ADGRL2: variants seen among roughly 807,000 people sequenced by gnomAD.
ADGRL2 encodes the protein adhesion G protein-coupled receptor L2.
ADGRL2 carries 44 observed loss-of-function variants against 157.4 expected under a neutral mutation model. The observed-to-expected ratio is 0.28, with a 90% CI of 0.22 to 0.36. The LOEUF (loss-of-function observed/expected upper bound fraction) is 0.36, where lower values mean the gene tolerates loss of function less well. Ranked by LOEUF, ADGRL2 falls within the 10% of genes least tolerant of loss-of-function variation. The probability of loss-of-function intolerance (pLI) is 1.00; values close to 1 mark genes in which losing one functional copy is unlikely to be tolerated. For missense variants in ADGRL2, 1,510 were observed against 1,768.9 expected, an observed-to-expected ratio of 0.85 and a Z score of 2.63; for synonymous variants, 585 against 624.7, an observed-to-expected ratio of 0.94 and a Z score of 0.95.
chr1:81,480,069 G>A (rs1191463205), intron 2 of ADGRL2, among the ~76,000 whole-genome samples: 1 of 152,138 alleles, frequency 6.6e-6, no homozygotes, highest in Non-Finnish European at 1.5e-5. Context: ...GAAGAGGGAG[G>A]TCTCAAGCCT....
intron 2 of ADGRL2, among the ~76,000 whole-genome samples, chr1:81,465,895 A>G (rs2078042488): frequency 6.6e-6 from 1 of 152,244 alleles, no homozygotes; most frequent in South Asian, 2.1e-4. Flanking sequence ...ATCTTTGGTC[A>G]CCTGAAATGT....
intron 3 of ADGRL2, among the ~76,000 whole-genome samples, chr1:81,920,119 A>G (rs1305590416): frequency 6.6e-6 from 1 of 152,140 alleles, no homozygotes; most frequent in Non-Finnish European, 1.5e-5. Context: ...AGAGTTTGAG[A>G]AGCAATGGTT....
chr1:81,969,108 T>G, intron 14 of ADGRL2, 70 bp from the exon 15 acceptor site: 1 of 1,112,462 alleles, frequency 9.0e-7, no homozygotes, highest in South Asian at 1.3e-5. Context: ...GCTGTACATG[T>G]GAAAGCTGTC....
chr1:81,944,664 A>G (rs1402222686), intron 6 of ADGRL2, among the ~76,000 whole-genome samples: 2 of 151,998 alleles, frequency 1.3e-5, no homozygotes, highest in Non-Finnish European at 2.9e-5. Context: ...TAATTTACTG[A>G]GTTAATCTTG....
chr1:81,763,078 CA>C (rs1181092215), intron 2 of ADGRL2, among the ~76,000 whole-genome samples: 1 of 140,242 alleles, frequency 7.1e-6, no homozygotes, highest in Non-Finnish European at 1.5e-5. Flanking sequence ...GGAAAAAAGA[CA>C]CAAAAGGTAC....
chr1:81,936,463 G>A (rs555181076), intron 3 of ADGRL2, among the ~76,000 whole-genome samples: 12 of 151,834 alleles, frequency 7.9e-5, no homozygotes, highest in African/African-American at 2.7e-4. Flanking sequence ...AAATTAAAAT[G>A]TATAACAATG....
chr1:81,692,846 T>C (rs2083370443), intron 3 of ADGRL2, among the ~76,000 whole-genome samples: 1 of 152,202 alleles, frequency 6.6e-6, no homozygotes, highest in Non-Finnish European at 1.5e-5. Context: ...ATCTGACTTA[T>C]CTAGAAAGTT....
chr1:81,616,312 G>T (rs749316776), intron 3 of ADGRL2, among the ~76,000 whole-genome samples: 1 of 152,082 alleles, frequency 6.6e-6, no homozygotes, highest in Admixed American at 6.6e-5. Context: ...GGTACCACAC[G>T]CAGGACCCAC....
At chr1:81,685,241 A>T (rs1345656228) in intron 3 of ADGRL2, among the ~76,000 whole-genome samples, 1 of 152,198 alleles carries the variant, frequency 6.6e-6, no homozygotes, top group East Asian at 1.9e-4. Context: ...GGTCATTTTC[A>T]CAATATTGAT....
At chr1:81,391,218 C>T (rs575234124) in intron 1 of ADGRL2, among the ~76,000 whole-genome samples, 1,434 of 151,678 alleles carry the variant, frequency 9.5e-3, no homozygotes, top group African/African-American at 0.033. Flanking sequence ...TCCAGTGCTC[C>T]GGACTGTTGA....
At chr1:81,420,438 A>T (rs2077104736) in intron 1 of ADGRL2, among the ~76,000 whole-genome samples, 1 of 152,216 alleles carries the variant, frequency 6.6e-6, no homozygotes, top group Non-Finnish European at 1.5e-5. Flanking sequence ...ATGAAAGCAA[A>T]TAGAAATTAT....
chr1:81,620,578 C>T (rs554312905), intron 3 of ADGRL2, among the ~76,000 whole-genome samples: 1 of 152,270 alleles, frequency 6.6e-6, no homozygotes, highest in South Asian at 2.1e-4. Context: ...CCAGGTACCA[C>T]AATGAAAACT....
At chr1:81,959,821 A>T (rs542445205) in intron 11 of ADGRL2, among the ~76,000 whole-genome samples, 123 of 151,572 alleles carry the variant, frequency 8.1e-4, no homozygotes, top group Middle Eastern at 3.4e-3. Context: ...TTTTTTTGAG[A>T]TGGAGTTCCA....
chr1:81,785,042 AAG>A (rs1215439351), intron 2 of ADGRL2, among the ~76,000 whole-genome samples: 6 of 152,158 alleles, frequency 3.9e-5, no homozygotes, highest in East Asian at 1.9e-4. Context: ...GGGGAAAAAA[AAG>A]AGAAAATTTC....
At chr1:81,395,308 T>C (rs1030216215) in intron 1 of ADGRL2, among the ~76,000 whole-genome samples, 9 of 152,206 alleles carry the variant, frequency 5.9e-5, no homozygotes, top group Non-Finnish European at 1.0e-4. Context: ...TTTCATATAC[T>C]TCTTGGCCAC....
intron 2 of ADGRL2, among the ~76,000 whole-genome samples, chr1:81,450,107 G>C (rs2077677420): frequency 6.6e-6 from 1 of 152,282 alleles, no homozygotes; most frequent in South Asian, 2.1e-4. Flanking sequence ...GAAAGCTGGT[G>C]CCAGTGACTT....
chr1:81,585,487 T>C (rs2081007300), intron 3 of ADGRL2, among the ~76,000 whole-genome samples: 1 of 152,166 alleles, frequency 6.6e-6, no homozygotes, highest in South Asian at 2.1e-4. Flanking sequence ...TAAGTGTTTG[T>C]TCTTTCAGAG....
At chr1:81,674,457 A>G (rs1039514542) in intron 3 of ADGRL2, among the ~76,000 whole-genome samples, 1 of 152,214 alleles carries the variant, frequency 6.6e-6, no homozygotes, top group Non-Finnish European at 1.5e-5. Context: ...CTTGCAGTCC[A>G]TCAGCTAGTC....
chr1:81,890,668 A>G (rs1298906162), intron 2 of ADGRL2, among the ~76,000 whole-genome samples: 2 of 152,174 alleles, frequency 1.3e-5, no homozygotes, highest in African/African-American at 4.8e-5. Flanking sequence ...TGGGGCACAC[A>G]TCACGCAGGG....
Sources: gnomAD v4.1 joint callset for allele counts (sites outside exome capture counted in the v4.1 genomes callset) on GRCh38, gnomAD v4.1.1 for gene constraint, MANE v1.5 for transcripts, NCBI Gene and HGNC (gene_info 2026-07-23, HGNC 2026-07-21) for gene names.